Variants in MYO16 observed in about 807,000 individuals in gnomAD.
MYO16 encodes the protein unconventional myosin-XVI.
A neutral mutation model predicts 205.3 loss-of-function variants in MYO16; 94 were observed. The observed-to-expected ratio is 0.46, with a 90% CI of 0.39 to 0.54. The LOEUF is 0.54. MYO16 is among the 20% of genes least tolerant of loss of function. The probability of loss-of-function intolerance (pLI) is 0.00; values close to 1 mark genes in which losing one functional copy is unlikely to be tolerated. For synonymous variants in MYO16, 988 were observed against 954.0 expected (o/e 1.04, Z -0.66); for missense variants, 2,315 against 2,387.5 (o/e 0.97, Z 0.63).
chr13:108,496,337 C>A, the MYO16 span, among the ~76,000 whole-genome samples: 12 of 152,194 alleles, frequency 7.9e-5, no homozygotes, highest in African/African-American at 2.9e-4. Flanking sequence ...CCTACACAAC[C>A]GCTCCCAGGC....
chr13:108,562,635 C>A, the MYO16 span, among the ~76,000 whole-genome samples: 1 of 152,068 alleles, frequency 6.6e-6, no homozygotes, highest in African/African-American at 2.4e-5. Flanking sequence ...AGTCACATGC[C>A]ACATAATGAT....
intron 16 of MYO16, among the ~76,000 whole-genome samples, chr13:108,955,245 C>T (rs1361712806): frequency 6.6e-6 from 1 of 152,182 alleles, no homozygotes; most frequent in Non-Finnish European, 1.5e-5. Flanking sequence ...CAACTCCACA[C>T]CCTCTCCTTA....
At chr13:109,050,349 T>C (rs1258293893) in intron 24 of MYO16, among the ~76,000 whole-genome samples, 1 of 152,120 alleles carries the variant, frequency 6.6e-6, no homozygotes, top group Non-Finnish European at 1.5e-5. Flanking sequence ...AAGCAGGTTA[T>C]GAATTTTTGG....
chr13:108,671,480 A>G (rs532027231), intron 2 of MYO16, among the ~76,000 whole-genome samples: 51 of 152,324 alleles, frequency 3.3e-4, no homozygotes, highest in Non-Finnish European at 6.2e-4. Flanking sequence ...AGTTTCCATT[A>G]CTAATGGAAG....
At chr13:108,534,881 TCTTCTC>T in the MYO16 span, among the ~76,000 whole-genome samples, 100 of 150,356 alleles carry the variant, frequency 6.7e-4, no homozygotes, top group African/African-American at 2.4e-3. Context: ...TCCTTCTTCT[TCTTCTC>T]CTCTTTCTTC....
chr13:108,650,174 A>T (rs1212655151), intron 1 of MYO16, among the ~76,000 whole-genome samples: 1 of 79,210 alleles, frequency 1.3e-5, no homozygotes, highest in East Asian at 4.3e-4. Flanking sequence ...CATGAAAATC[A>T]TGCATTTTTT....
intron 2 of MYO16, among the ~76,000 whole-genome samples, chr13:108,699,636 G>C (rs2209636): frequency 1.3e-5 from 2 of 152,104 alleles, no homozygotes; most frequent in South Asian, 2.1e-4. Context: ...GGAATATATA[G>C]AGTCAATGAT....
chr13:108,800,551 A>T (rs1363243124), intron 6 of MYO16, among the ~76,000 whole-genome samples: 1 of 152,162 alleles, frequency 6.6e-6, no homozygotes, highest in Non-Finnish European at 1.5e-5. Flanking sequence ...TCACTTTGGG[A>T]TATGATTTAT....
At chr13:109,157,881 G>A (rs1006794889) in intron 32 of MYO16, among the ~76,000 whole-genome samples, 3 of 152,016 alleles carry the variant, frequency 2.0e-5, no homozygotes, top group East Asian at 1.9e-4. Flanking sequence ...GCACTTACCC[G>A]GTCGTCATAA....
At chr13:109,022,972 G>C (rs1175646950) in intron 23 of MYO16, among the ~76,000 whole-genome samples, 1 of 131,134 alleles carries the variant, frequency 7.6e-6, no homozygotes, top group Non-Finnish European at 1.5e-5. Flanking sequence ...ATATATACAC[G>C]TAAATATAGG....
At chr13:108,950,035 G>A (rs1157129225) in intron 16 of MYO16, among the ~76,000 whole-genome samples, 1 of 151,612 alleles carries the variant, frequency 6.6e-6, no homozygotes, top group East Asian at 1.9e-4. Context: ...ACATATTATG[G>A]AAAAAATCAA....
At chr13:108,765,321 G>GT (rs1885744086) in intron 4 of MYO16, among the ~76,000 whole-genome samples, 2 of 151,960 alleles carry the variant, frequency 1.3e-5, no homozygotes, top group African/African-American at 2.4e-5. Context: ...TTTTTCTAAT[G>GT]ATATTACACT....
chr13:108,846,097 T>G (rs1386097090), intron 10 of MYO16, among the ~76,000 whole-genome samples: 6 of 152,194 alleles, frequency 3.9e-5, no homozygotes, highest in Non-Finnish European at 2.9e-5. Flanking sequence ...CTTTAGTGTC[T>G]GGCATAACTT....
intron 14 of MYO16, 37 bp from the exon 15 acceptor site, chr13:108,897,979 T>C (rs775889573): frequency 6.9e-7 from 1 of 1,458,618 alleles, no homozygotes; most frequent in Non-Finnish European, 9.6e-7. Flanking sequence ...TTTCTTAAAA[T>C]ATGAGCAGTT....
the MYO16 span, among the ~76,000 whole-genome samples, chr13:108,535,763 T>C: frequency 3.9e-5 from 6 of 152,214 alleles, no homozygotes; most frequent in African/African-American, 1.2e-4. Context: ...TGGTATTACT[T>C]CACTGTAGTG....
At chr13:108,590,733 C>T in the MYO16 span, among the ~76,000 whole-genome samples, 3 of 151,990 alleles carry the variant, frequency 2.0e-5, no homozygotes, top group Non-Finnish European at 4.4e-5. Context: ...AGGTGGAGAT[C>T]GGAGTGATGC....
At chr13:108,911,112 A>G (rs1367969131) in intron 16 of MYO16, among the ~76,000 whole-genome samples, 1 of 151,578 alleles carries the variant, frequency 6.6e-6, no homozygotes, top group Non-Finnish European at 1.5e-5. Flanking sequence ...TAGTCAAGAC[A>G]GTGGTTAAGG....
At chr13:109,152,553 C>G (rs1877732713) in intron 32 of MYO16, among the ~76,000 whole-genome samples, 1 of 152,198 alleles carries the variant, frequency 6.6e-6, no homozygotes, top group East Asian at 1.9e-4. Context: ...TGCTTTATAT[C>G]TGGAGATGTG....
chr13:108,850,762 G>C (rs950293463), intron 10 of MYO16, among the ~76,000 whole-genome samples: 1 of 152,136 alleles, frequency 6.6e-6, no homozygotes, highest in Non-Finnish European at 1.5e-5. Context: ...TTGGAATCTT[G>C]ACGTGAGAAA....
Sources: allele counts gnomAD v4.1 joint callset (sites outside exome capture counted in the v4.1 genomes callset), GRCh38; gene constraint gnomAD v4.1.1; transcripts MANE v1.5; gene names NCBI Gene and HGNC (gene_info 2026-07-23, HGNC 2026-07-21).